FMN1: variants seen among roughly 807,000 people sequenced by gnomAD.
FMN1 encodes formin-1.
In FMN1, 110 loss-of-function variants were observed where a neutral mutation model predicts 132.4. That is an observed-to-expected ratio of 0.83 (90% CI 0.71 to 0.97). The LOEUF is 0.97. FMN1 is among the 50% of genes least tolerant of loss of function. The pLI is 0.00. For missense variants in FMN1, 1,792 were observed against 1,705.3 expected, an observed-to-expected ratio of 1.05 and a Z score of -0.90; for synonymous variants, 722 against 651.7, an observed-to-expected ratio of 1.11 and a Z score of -1.64.
chr15:33,092,681 C>T (rs181707589), intron 4 of FMN1, among the ~76,000 whole-genome samples: 95 of 152,178 alleles, frequency 6.2e-4, no homozygotes, highest in African/African-American at 2.1e-3. Flanking sequence ...CAGGCCAGTA[C>T]GTAAAAACAA....
intron 19 of FMN1, among the ~76,000 whole-genome samples, chr15:32,795,594 G>T (rs761446040): frequency 6.6e-6 from 1 of 151,758 alleles, no homozygotes; most frequent in African/African-American, 2.4e-5. Context: ...AATGGGGGTG[G>T]GGGGGTGGCA....
chr15:32,973,876 T>C (rs940802559), intron 7 of FMN1, among the ~76,000 whole-genome samples: 1 of 152,248 alleles, frequency 6.6e-6, no homozygotes, highest in Non-Finnish European at 1.5e-5. Flanking sequence ...CACTTCACTT[T>C]GTACCTGGAT....
rs751848373 is a variant in FMN1 at position 33,008,013 on chromosome 15, C to G, written c.2223+1G>C. On this transcript the variant is annotated splice_donor_variant, in intron 7 of 20. Coordinates refer to ENST00000616417, the MANE Select transcript of FMN1 (RefSeq NM_001277313.2). LOFTEE classifies it high-confidence loss of function. ...CGTTCAGTAGCATCAAAGAGGCATACCTGCAGGTTTTCAATTTCTTCTTTG... is the reference window on the plus strand; with the variant it reads ...CGTTCAGTAGCATCAAAGAGGCATAGCTGCAGGTTTTCAATTTCTTCTTTG... The G allele has an allele frequency of 3.1e-6, 5 of 1,598,656 alleles. No homozygotes were observed. The highest frequency in any genetic ancestry group is 4.3e-6 in the Non-Finnish European group (5 of 1,171,498).
intron 7 of FMN1, among the ~76,000 whole-genome samples, chr15:32,971,192 A>T (rs2031758727): frequency 6.6e-6 from 1 of 152,266 alleles, no homozygotes; most frequent in Admixed American, 6.5e-5. Context: ...ATAAAATAGT[A>T]GGCATTATGC....
At chr15:32,908,418 G>T in intron 12 of FMN1, 72 bp downstream of exon 12, 1 of 984,614 alleles carries the variant, frequency 1.0e-6, no homozygotes, top group Non-Finnish European at 1.6e-6. Flanking sequence ...TGGTTATTCT[G>T]AGCTGGGAGA....
intron 8 of FMN1, among the ~76,000 whole-genome samples, chr15:32,966,617 G>C (rs369302948): frequency 1.9e-4 from 29 of 151,956 alleles, no homozygotes; most frequent in African/African-American, 7.0e-4. Context: ...ACCCAAGAAG[G>C]CAAAACGTCA....
At chr15:32,948,806 T>C (rs2061563738) in intron 9 of FMN1, among the ~76,000 whole-genome samples, 1 of 152,120 alleles carries the variant, frequency 6.6e-6, no homozygotes, top group Non-Finnish European at 1.5e-5. Flanking sequence ...CTTTTGTCTT[T>C]AATTGATGTT....
chr15:33,001,651 CA>C (rs1386779088), intron 7 of FMN1, among the ~76,000 whole-genome samples: 1 of 131,080 alleles, frequency 7.6e-6, no homozygotes, highest in Non-Finnish European at 1.6e-5. Flanking sequence ...TGGTTGAGGA[CA>C]TATTTGGGAC....
At chr15:32,976,407 G>C (rs987416728) in intron 7 of FMN1, among the ~76,000 whole-genome samples, 1 of 152,112 alleles carries the variant, frequency 6.6e-6, no homozygotes, top group African/African-American at 2.4e-5. Context: ...ACATGCATAC[G>C]AGTTTCTTCT....
chr15:33,032,161 G>C (rs2035968343), intron 6 of FMN1, among the ~76,000 whole-genome samples: 1 of 152,136 alleles, frequency 6.6e-6, no homozygotes, highest in African/African-American at 2.4e-5. Flanking sequence ...TCCACTTGTA[G>C]GACACTTAGG....
chr15:33,154,109 G>C lies in FMN1; in HGVS notation c.806C>G (p.Pro269Arg). The C allele has an allele frequency of 6.5e-7, 1 of 1,536,138 alleles. No individual in the cohort carries two copies. Among genetic ancestry groups the C allele is most frequent in the South Asian group, 1.2e-5 (1 of 84,054 alleles). ...DTGLGREVLP[P>R]DCSSTEAGGD... The stretch of plus-strand genomic sequence containing the variant: ...TCCTGCCTCTGTGGAGCTGCAGTCA[G>C]GGGGCAGCACTTCTCTTCCAAGCCC... The change falls in exon 4 of 21, where the codon CCT becomes CGT. Residue 269 changes from proline to arginine, a missense_variant. By Grantham distance (103) the Pro-to-Arg change is moderately radical (BLOSUM62 -2). This residue lies in a region of FMN1 where 638 missense variants were observed against 645.2 expected (regional missense o/e 0.99). Transcript: ENST00000616417.
intron 11 of FMN1, among the ~76,000 whole-genome samples, chr15:32,909,890 A>ATC (rs2060515124): frequency 1.3e-5 from 2 of 152,184 alleles, no homozygotes; most frequent in Non-Finnish European, 2.9e-5. Flanking sequence ...CTAAAAAAAA[A>ATC]AAATCAGAGC....
In FMN1 at chr15:32,969,394, C is replaced by T. The variant is rs1259878121; in HGVS notation, c.2307G>A (p.Leu769=). ...TARLEETIEN[L]KHELEHRWRG... Reference sequence around the variant, plus strand: ...GCCATCTGTGTTCTAGCTCGTGTTTCAGATTTTCAATGGTTTCTTCTAGTC... The same window carrying T: ...GCCATCTGTGTTCTAGCTCGTGTTTTAGATTTTCAATGGTTTCTTCTAGTC... Residue 769 remains leucine (L), a synonymous_variant, in exon 8 of 21, where the codon CTG becomes CTA. Transcript: ENST00000616417. 6.2e-7 allele frequency: 1 copy of T among 1,613,988 alleles called. No individual in the cohort carries two copies. Among genetic ancestry groups the T allele is most frequent in the African/African-American group, 1.3e-5 (1 of 75,028 alleles).
intron 8 of FMN1, 62 bp from the exon 9 acceptor site, chr15:32,964,319 G>A (rs1419931763): frequency 1.8e-6 from 2 of 1,133,274 alleles, no homozygotes; most frequent in Admixed American, 4.7e-5. Context: ...GTAATACAAT[G>A]AAATCTTTCT....
chr15:32,769,922 T>A lies in FMN1; in HGVS notation c.*4388A>T, dbSNP rs2056172663. ...TCCACTTTTTGGCCATTTTTGTTTT[T>A]ATTAGGACAGACAGGATAAAAGAAA... On this transcript the variant is annotated 3_prime_UTR_variant, in exon 21 of 21. Transcript: ENST00000616417. 6.6e-6 allele frequency: 1 copy of A among 152,106 alleles called. No homozygotes were observed. The highest frequency in any genetic ancestry group is 3.2e-3 in the Middle Eastern group (1 of 316). 9.4% of individuals were successfully genotyped at this position (152,106 alleles called of 1,614,324 possible). A position where few individuals can be genotyped will look rare whatever the true frequency, so the allele number is the denominator to read the frequency against.
At chr15:33,027,732 TAAA>T (rs1207920425) in intron 6 of FMN1, among the ~76,000 whole-genome samples, 1 of 151,992 alleles carries the variant, frequency 6.6e-6, no homozygotes, top group Admixed American at 6.6e-5. Context: ...GGATAAACAA[TAAA>T]AGAACAAATG....
intron 7 of FMN1, among the ~76,000 whole-genome samples, chr15:32,993,128 C>A (rs927014002): frequency 2.0e-5 from 3 of 151,780 alleles, no homozygotes; most frequent in African/African-American, 4.8e-5. Flanking sequence ...TGCTGAGGCC[C>A]CAGTGAACAT....
intron 7 of FMN1, among the ~76,000 whole-genome samples, chr15:32,971,230 C>G (rs2031762633): frequency 6.6e-6 from 1 of 152,198 alleles, no homozygotes; most frequent in African/African-American, 2.4e-5. Context: ...TTGGATAAAT[C>G]TTACTGTTAG....
In FMN1 at chr15:32,963,982, A is replaced by G. The variant is rs186299005; in HGVS notation, c.3138+125T>C. On this transcript the variant is annotated intron_variant, in intron 9 of 20. Coordinates refer to ENST00000616417, the MANE Select transcript of FMN1 (RefSeq NM_001277313.2). ...ATAAATTCCTATGATACACACACAT[A>G]TATGTATAGGTATGTGTGTGTGTGT... 39 of 531,690 alleles carry G rather than the reference A, an allele frequency of 7.3e-5. No homozygotes were observed. In the East Asian group the frequency reaches 8.8e-4, roughly 12 times the overall value. The allele number at this position is 531,690 out of a possible 1,614,324, so 32.9% of individuals were successfully genotyped here. A position where few individuals can be genotyped will look rare whatever the true frequency, so the allele number is the denominator to read the frequency against.
Sources: allele counts gnomAD v4.1 joint callset (sites outside exome capture counted in the v4.1 genomes callset), GRCh38; gene constraint gnomAD v4.1.1; regional missense constraint gnomAD v4.1.1; transcripts MANE v1.5; gene names NCBI Gene and HGNC (gene_info 2026-07-23, HGNC 2026-07-21).